The following TENM4 variants were observed in gnomAD, a reference collection of about 807,000 sequenced individuals.
TENM4 encodes the protein teneurin transmembrane protein 4, also known as teneurin-4.
Under a neutral mutation model 243.3 loss-of-function variants are expected in TENM4, and 82 were observed. The ratio of observed to expected loss-of-function variants is 0.34; its 90% CI spans 0.28 to 0.40. The LOEUF (loss-of-function observed/expected upper bound fraction) is 0.40. TENM4 is among the 10% of genes least tolerant of loss of function. The pLI is 1.00. For synonymous variants in TENM4, 1,412 were observed against 1,456.3 expected, an observed-to-expected ratio of 0.97 and a Z score of 0.69; for missense variants, 3,138 against 3,673.3, an observed-to-expected ratio of 0.85 and a Z score of 3.77.
chr11:79,183,434 C>T (rs1938822), intron 3 of TENM4, among the ~76,000 whole-genome samples: 51,242 of 151,962 alleles, frequency 0.34, 8,851 homozygotes, highest in East Asian at 0.42. Flanking sequence ...GAGGATTTTT[C>T]AGAATAGTGA....
intron 1 of TENM4, among the ~76,000 whole-genome samples, chr11:79,411,559 C>G (rs1858701919): frequency 6.6e-6 from 1 of 152,194 alleles, no homozygotes. Flanking sequence ...CTGCAGCCTT[C>G]CTCTCTTCCC....
At chr11:78,985,055 C>T (rs1296440853) in intron 6 of TENM4, among the ~76,000 whole-genome samples, 1 of 152,132 alleles carries the variant, frequency 6.6e-6, no homozygotes, top group Non-Finnish European at 1.5e-5. Flanking sequence ...CTCTGTACTT[C>T]AGTTTCCTCA....
intron 6 of TENM4, among the ~76,000 whole-genome samples, chr11:79,030,471 G>C (rs754624853): frequency 1.3e-5 from 2 of 152,150 alleles, no homozygotes; most frequent in Non-Finnish European, 1.5e-5. Context: ...CTATCAAAAA[G>C]CTAGAGTCAT....
At chr11:78,784,159 C>G (rs986924924) in intron 16 of TENM4, among the ~76,000 whole-genome samples, 2 of 152,144 alleles carry the variant, frequency 1.3e-5, no homozygotes, top group African/African-American at 4.8e-5. Flanking sequence ...AATCTGATAA[C>G]AAGAGAAAAT....
At chr11:79,167,430 A>G (rs1862938901) in intron 3 of TENM4, among the ~76,000 whole-genome samples, 1 of 152,226 alleles carries the variant, frequency 6.6e-6, no homozygotes, top group Admixed American at 6.5e-5. Flanking sequence ...ACACTTATAC[A>G]TATCACCTCA....
chr11:79,174,992 T>C (rs1863128961), intron 3 of TENM4, among the ~76,000 whole-genome samples: 1 of 152,222 alleles, frequency 6.6e-6, no homozygotes, highest in Non-Finnish European at 1.5e-5. Context: ...TAATATACTA[T>C]CTATCTCTAT....
intron 2 of TENM4, chr11:79,269,680 G>A (rs940226033): frequency 3.3e-5 from 5 of 152,250 alleles, no homozygotes; most frequent in African/African-American, 1.2e-4. Flanking sequence ...CAGTGCCCCT[G>A]GCTCCTTGCT....
At chr11:79,422,261 A>T (rs1333898650) in intron 1 of TENM4, 1 of 143,058 alleles carries the variant, frequency 7.0e-6, no homozygotes, top group East Asian at 1.9e-4. Context: ...ACACACACAC[A>T]CACACACACA....
At chr11:79,070,709 T>C (rs1292638166) in intron 4 of TENM4, among the ~76,000 whole-genome samples, 1 of 152,168 alleles carries the variant, frequency 6.6e-6, no homozygotes, top group Non-Finnish European at 1.5e-5. Flanking sequence ...TGTGTTTAAT[T>C]AACCAGCTAA....
chr11:79,191,812 G>T (rs1042706377), intron 3 of TENM4: 2 of 190,168 alleles, frequency 1.1e-5, no homozygotes, highest in African/African-American at 2.4e-5. Flanking sequence ...GTCTCTGCCC[G>T]GCCGCCCCGT....
At chr11:78,881,388 G>A (rs1483901824) in intron 9 of TENM4, among the ~76,000 whole-genome samples, 1 of 152,178 alleles carries the variant, frequency 6.6e-6, no homozygotes, top group Non-Finnish European at 1.5e-5. Flanking sequence ...TTGTCAGGGT[G>A]GGAAGAGAGT....
At chr11:79,231,858 T>C (rs1269795718) in intron 2 of TENM4, among the ~76,000 whole-genome samples, 2 of 152,096 alleles carry the variant, frequency 1.3e-5, no homozygotes, top group African/African-American at 4.8e-5. Context: ...GGCAGGGAGA[T>C]CACTTGAGGT....
chr11:79,362,651 A>T (rs1435224776), intron 1 of TENM4, among the ~76,000 whole-genome samples: 1 of 152,222 alleles, frequency 6.6e-6, no homozygotes, highest in Non-Finnish European at 1.5e-5. Flanking sequence ...TACAGCGCAG[A>T]GGCTAAGAGC....
At chr11:79,375,633 C>G (rs903226045) in intron 1 of TENM4, among the ~76,000 whole-genome samples, 2 of 152,142 alleles carry the variant, frequency 1.3e-5, no homozygotes, top group Non-Finnish European at 2.9e-5. Flanking sequence ...ATACCTGCCA[C>G]GTAGGATAGA....
At chr11:78,899,559 CGGG>C (rs112067150) in intron 7 of TENM4, among the ~76,000 whole-genome samples, 1 of 29,590 alleles carries the variant, frequency 3.4e-5, no homozygotes, top group African/African-American at 7.2e-5. Context: ...TCTCAAAAAG[CGGG>C]GGGGGGGGGA....
intron 3 of TENM4, among the ~76,000 whole-genome samples, chr11:79,165,498 T>G (rs1447906661): frequency 6.6e-6 from 1 of 152,228 alleles, no homozygotes; most frequent in Non-Finnish European, 1.5e-5. Context: ...TTGTTTGTTT[T>G]GTTCTTGCTG....
intron 18 of TENM4, among the ~76,000 whole-genome samples, chr11:78,764,267 G>A (rs1431152843): frequency 6.6e-6 from 1 of 152,240 alleles, no homozygotes; most frequent in Non-Finnish European, 1.5e-5. Flanking sequence ...CTCAGGTTAT[G>A]TAATTTCCCT....
At chr11:78,892,055 C>T (rs929419579) in intron 7 of TENM4, among the ~76,000 whole-genome samples, 6 of 152,124 alleles carry the variant, frequency 3.9e-5, no homozygotes, top group Admixed American at 6.5e-5. Flanking sequence ...CGTCCTTTAG[C>T]GGTGCAGGGA....
intron 4 of TENM4, among the ~76,000 whole-genome samples, chr11:79,102,330 A>C (rs1444836521): frequency 6.6e-6 from 1 of 152,242 alleles, no homozygotes; most frequent in African/African-American, 2.4e-5. Flanking sequence ...CACAGTGCTC[A>C]TCATGAAATT....
Sources: allele counts gnomAD v4.1 joint callset (sites outside exome capture counted in the v4.1 genomes callset), GRCh38; gene constraint gnomAD v4.1.1; transcripts MANE v1.5; gene names NCBI Gene and HGNC (gene_info 2026-07-23, HGNC 2026-07-21).